Variants in INVS observed in about 807,000 individuals in gnomAD.
INVS encodes inversin, also known as inversion of embryo turning homolog.
A neutral mutation model predicts 108.8 loss-of-function variants in INVS; 86 were observed. The ratio of observed to expected loss-of-function variants is 0.79; its 90% confidence interval spans 0.66 to 0.95. The LOEUF is 0.95. Among genes scored for constraint, INVS ranks in the 40% least tolerant of loss-of-function variants. The pLI, the probability that INVS is intolerant of heterozygous loss-of-function variation, is 0.00. For missense variants in INVS, 1,169 were observed against 1,297.4 expected, an observed-to-expected ratio of 0.90 and a Z score of 1.52; for synonymous variants, 455 against 473.5, an observed-to-expected ratio of 0.96 and a Z score of 0.51.
At chr9:100,276,006 T>G (rs922879656) in intron 12 of INVS, among the ~76,000 whole-genome samples, 2 of 152,182 alleles carry the variant, frequency 1.3e-5, no homozygotes, top group African/African-American at 4.8e-5. Flanking sequence ...AGGTTCTTAT[T>G]TCACTCAAAT....
chr9:100,193,671 T>C (rs1830290557), intron 3 of INVS, among the ~76,000 whole-genome samples: 1 of 152,224 alleles, frequency 6.6e-6, no homozygotes, highest in South Asian at 2.1e-4. Flanking sequence ...TCAAGAATTT[T>C]ATGTAAGTGA....
intron 12 of INVS, among the ~76,000 whole-genome samples, chr9:100,274,725 G>C (rs370942682): frequency 6.6e-6 from 1 of 152,224 alleles, no homozygotes; most frequent in East Asian, 1.9e-4. Flanking sequence ...GGCTGGTCTC[G>C]AACTCCTGAC....
Position 100,242,579 on chromosome 9 carries a change from A to G in INVS, c.806A>G (p.Gln269Arg). The change falls in exon 7 of 17, where the codon CAG (glutamine) becomes CGG (arginine). Residue 269 changes from glutamine (Q) to arginine (R), a missense_variant. Around this residue, in one of 3 missense-constraint regions of INVS, gnomAD observed 365 missense variants for 397.5 expected, o/e 0.92. Transcript: ENST00000262457. ...LHWAALLGHA[Q>R]IVHLLLERNK... The stretch of plus-strand genomic sequence containing the variant: ...TTGTGTCTTTTCTCAGGCCATGCAC[A>G]GATTGTCCATCTCCTTTTAGAAAGA... 1 of 1,587,832 alleles carries G rather than the reference A, an allele frequency of 6.3e-7. No individual in the cohort carries two copies. Among genetic ancestry groups the G allele is most frequent in the Non-Finnish European group, 8.6e-7 (1 of 1,156,158 alleles).
At chr9:100,158,945 C>T (rs78951693) in intron 3 of INVS, among the ~76,000 whole-genome samples, 374 of 152,294 alleles carry the variant, frequency 2.5e-3, no homozygotes, top group Non-Finnish European at 4.2e-3. Flanking sequence ...CCCTCTCTCT[C>T]TCTTGCCTGC....
At chr9:100,114,754 T>A (rs1827455839) in intron 2 of INVS, among the ~76,000 whole-genome samples, 1 of 152,224 alleles carries the variant, frequency 6.6e-6, no homozygotes, top group African/African-American at 2.4e-5. Flanking sequence ...TTTTCCATGT[T>A]GTTGAGTGGA....
chr9:100,185,379 C>A (rs1026327050), intron 3 of INVS, among the ~76,000 whole-genome samples: 2 of 151,436 alleles, frequency 1.3e-5, no homozygotes, highest in Non-Finnish European at 2.9e-5. Flanking sequence ...CACTTTCAAC[C>A]AGTCACCACC....
chr9:100,161,628 T>TG (rs1028604389), intron 3 of INVS, among the ~76,000 whole-genome samples: 109 of 152,054 alleles, frequency 7.2e-4, no homozygotes, highest in African/African-American at 2.5e-3. Flanking sequence ...GATGGATGGA[T>TG]GGATGGATGG....
rs577442219 is a variant in INVS, at chr9:100,117,522, A to G, written c.107-8861A>G. The G allele has an allele frequency of 9.4e-5, 92 of 977,162 alleles. No individual in the cohort carries two copies. In the African/African-American group the frequency reaches 1.3e-3, roughly 13 times the overall value. The allele number at this position is 977,162 out of a possible 1,614,324, so 60.5% of individuals were successfully genotyped here. A position where few individuals can be genotyped will look rare whatever the true frequency, so the allele number is the denominator to read the frequency against. ...CAGCCCGGGCCCCGTCCACGGCCGCAACCCCGGCCCCGGATGCCACTGCGG... is the reference window on the plus strand; with the variant it reads ...CAGCCCGGGCCCCGTCCACGGCCGCGACCCCGGCCCCGGATGCCACTGCGG... On this transcript the variant is annotated intron_variant, in intron 2 of 16. Transcript: ENST00000262457.
At position 100,133,764 on chromosome 9, in the gene INVS, T is replaced by TACAC. The variant is rs147744972; in HGVS notation, c.273+7253_273+7256dup. Reference sequence around the variant, plus strand: ...ACTATCTGACTATATCTGCCAAAGCTACACACACACACACACACACACACA... The same window carrying TACAC: ...ACTATCTGACTATATCTGCCAAAGCTACACACACACACACACACACACACACACA... On this transcript the variant is annotated intron_variant, in intron 3 of 16. Transcript: ENST00000262457. Among the ~76,000 whole-genome samples the TACAC allele has an allele frequency of 8.4e-3, 1,040 of 123,892 alleles. 20 individuals carry two copies. The highest frequency in any genetic ancestry group is 0.031 in the East Asian group (92 of 2,982). The allele number at this position is 123,892 out of a possible 152,430, so 81.3% of individuals were successfully genotyped here.
chr9:100,280,733 A>C (rs1342666132), intron 12 of INVS, among the ~76,000 whole-genome samples: 2 of 152,202 alleles, frequency 1.3e-5, no homozygotes, highest in Non-Finnish European at 2.9e-5. Flanking sequence ...ACTTAAGAAA[A>C]AAACATTTAA....
intron 3 of INVS, among the ~76,000 whole-genome samples, chr9:100,189,053 G>C (rs1215887343): frequency 1.4e-5 from 2 of 145,220 alleles, no homozygotes; most frequent in African/African-American, 2.6e-5. Flanking sequence ...CTGTGTTACA[G>C]ATATTGCTGT....
rs748241492 is a variant in INVS, at chr9:100,292,489, G to C, written c.2232G>C (p.Gln744His). 1 of 1,614,178 alleles carries C rather than the reference G, an allele frequency of 6.2e-7. No individual in the cohort carries two copies. Among genetic ancestry groups the C allele is most frequent in the Non-Finnish European group, 8.5e-7 (1 of 1,180,030 alleles). The change falls in exon 14 of 17, where the codon CAG becomes CAC. Residue 744 changes from glutamine to histidine, a missense_variant. This residue lies in a region of INVS where 533 missense variants were observed against 536.0 expected (regional missense o/e 0.99). Transcript: ENST00000262457. Reference sequence around the variant, plus strand: ...CAAAGGGGAAAGGCTTCGTGAAGCAGCCCTCCTGTATCAGGGTGGCTGGGC... The same window carrying C: ...CAAAGGGGAAAGGCTTCGTGAAGCACCCCTCCTGTATCAGGGTGGCTGGGC... ...RCAKGKGFVK[Q>H]PSCIRVAGPD...
chr9:100,225,901 CAATT>C (rs1831302117), intron 3 of INVS, among the ~76,000 whole-genome samples, 157 bp from the exon 4 acceptor site: 1 of 142,786 alleles, frequency 7.0e-6, no homozygotes, highest in Admixed American at 6.7e-5. Flanking sequence ...AAAAATAAAA[CAATT>C]GATAGTATAG....
chr9:100,214,982 A>G (rs1168478845), intron 3 of INVS: 2 of 152,226 alleles, frequency 1.3e-5, no homozygotes, highest in East Asian at 3.8e-4. Flanking sequence ...CCATTCCAGT[A>G]GATATAACTT....
intron 3 of INVS, among the ~76,000 whole-genome samples, chr9:100,170,574 AT>A (rs1228660932): frequency 2.2e-4 from 34 of 151,648 alleles, no homozygotes; most frequent in African/African-American, 8.3e-4. Context: ...CAAAAAAAAA[AT>A]AAAATAAAAA....
intron 12 of INVS, among the ~76,000 whole-genome samples, chr9:100,281,751 C>T (rs887856856): frequency 6.8e-6 from 1 of 146,288 alleles, no homozygotes; most frequent in African/African-American, 2.5e-5. Context: ...GGTATCCCCC[C>T]TCCAAAGCAA....
chr9:100,160,186 G>T (rs151009756), intron 3 of INVS, among the ~76,000 whole-genome samples: 33 of 152,240 alleles, frequency 2.2e-4, no homozygotes, highest in Non-Finnish European at 3.4e-4. Flanking sequence ...CACTCTCTAC[G>T]CATGGAGGAT....
chr9:100,296,833 C>T, intron 14 of INVS, 84 bp from the exon 15 acceptor site: 3 of 1,075,744 alleles, frequency 2.8e-6, no homozygotes, highest in African/African-American at 1.6e-5. Context: ...AAATACTACT[C>T]CTATAGCTTC....
At chr9:100,194,990 C>T (rs1830329055) in intron 3 of INVS, among the ~76,000 whole-genome samples, 1 of 152,148 alleles carries the variant, frequency 6.6e-6, no homozygotes. Flanking sequence ...AGACCTCCGA[C>T]ATCTGCATCA....
Sources: allele counts gnomAD v4.1 joint callset (sites outside exome capture counted in the v4.1 genomes callset), GRCh38; gene constraint gnomAD v4.1.1; regional missense constraint gnomAD v4.1.1; transcripts MANE v1.5; gene names NCBI Gene and HGNC (gene_info 2026-07-23, HGNC 2026-07-21).